DNAJC10: variants seen among roughly 807,000 people sequenced by gnomAD.
DNAJC10 encodes the protein endoplasmic reticulum disulfide reductase DNAJC10.
Under a neutral mutation model 115.0 loss-of-function variants are expected in DNAJC10, and 101 were observed. The ratio of observed to expected loss-of-function variants is 0.88; its 90% confidence interval spans 0.75 to 1.04. DNAJC10 has a LOEUF of 1.04. Among genes scored for constraint, DNAJC10 ranks in the 50% least tolerant of loss-of-function variants. The pLI is 0.00. For synonymous variants in DNAJC10, 307 were observed against 301.5 expected (o/e 1.02, Z -0.19); for missense variants, 981 against 928.8 (o/e 1.06, Z -0.73).
chr2:182,746,630 GC>G (rs1693874997), intron 14 of DNAJC10, among the ~76,000 whole-genome samples: 1 of 152,048 alleles, frequency 6.6e-6, no homozygotes. Flanking sequence ...CTGCATATTA[GC>G]CCTTTCTCAG....
intron 16 of DNAJC10, 158 bp from the exon 17 acceptor site, chr2:182,754,845 C>CTT (rs2105674647): frequency 7.3e-7 from 1 of 1,369,756 alleles, no homozygotes; most frequent in East Asian, 2.6e-5. Flanking sequence ...ACCATAAGTC[C>CTT]TTTGCTAAAT....
At chr2:182,740,219 T>C in intron 11 of DNAJC10, 80 bp from the exon 12 acceptor site, 10 of 1,197,114 alleles carry the variant, frequency 8.4e-6, no homozygotes, top group South Asian at 2.3e-5. Context: ...AAATACTACA[T>C]TGGAAATTGA....
At chr2:182,766,939 G>C (rs1694428031) in intron 22 of DNAJC10, among the ~76,000 whole-genome samples, 1 of 151,842 alleles carries the variant, frequency 6.6e-6, no homozygotes, top group East Asian at 1.9e-4. Context: ...TTTTCTGTAG[G>C]GGGAGGAAAA....
At chr2:182,746,458 T>G (rs1693869202) in intron 14 of DNAJC10, among the ~76,000 whole-genome samples, 1 of 152,148 alleles carries the variant, frequency 6.6e-6, no homozygotes, top group Non-Finnish European at 1.5e-5. Flanking sequence ...TCATTGTCAT[T>G]TTGATTTGCA....
intron 18 of DNAJC10, 140 bp downstream of exon 18, chr2:182,756,609 A>G (rs1216341967): frequency 2.4e-6 from 2 of 835,368 alleles, no homozygotes; most frequent in East Asian, 2.7e-5. Context: ...CTTTGATTCC[A>G]GCTCTGTTTC....
rs1254209618 is a variant in DNAJC10, at chr2:182,780,227, G to T, written c.*3095G>T. The T allele has an allele frequency of 2.0e-5, 3 of 152,156 alleles. No individual in the cohort carries two copies. The highest frequency in any genetic ancestry group is 4.4e-5 in the Non-Finnish European group (3 of 68,044). 9.4% of individuals were successfully genotyped at this position (152,156 alleles called of 1,614,324 possible). On this transcript the variant is annotated 3_prime_UTR_variant, in exon 24 of 24. Transcript: ENST00000264065. Reference sequence around the variant, plus strand: ...TGTTGAAATATGATCCCCAGTGTTGGATATGGGGCCTGGTGGGAGGTGTTT... The same window carrying T: ...TGTTGAAATATGATCCCCAGTGTTGTATATGGGGCCTGGTGGGAGGTGTTT...
rs1408728897 is a variant in DNAJC10 at position 182,779,154 on chromosome 2, G to T, written c.*2022G>T. The T allele has an allele frequency of 6.6e-6, 1 of 152,134 alleles. No individual in the cohort carries two copies. Among genetic ancestry groups the T allele is most frequent in the Non-Finnish European group, 1.5e-5 (1 of 68,020 alleles). 9.4% of individuals were successfully genotyped at this position (152,134 alleles called of 1,614,324 possible). A position where few individuals can be genotyped will look rare whatever the true frequency, so the allele number is the denominator to read the frequency against. On this transcript the variant is annotated 3_prime_UTR_variant, in exon 24 of 24. Coordinates refer to ENST00000264065, the MANE Select transcript of DNAJC10 (RefSeq NM_018981.4). ...TGCCTTTGGAATCAGCTCTAAGCCAGGGCCCCCTGGGAGTCATGTTAAGAA... is the reference window on the plus strand; with the variant it reads ...TGCCTTTGGAATCAGCTCTAAGCCATGGCCCCCTGGGAGTCATGTTAAGAA...
rs1017903524 is a variant in DNAJC10 at position 182,784,638 on chromosome 2, AATG to A, written c.*7509_*7511del. On this transcript the variant is annotated 3_prime_UTR_variant, in exon 24 of 24. Coordinates refer to ENST00000264065, the MANE Select transcript of DNAJC10 (RefSeq NM_018981.4). ...GTTTTATGCCTTAAAAATTATAAAT[AATG>A]ATAAGTTTAATTTGCAGCCCTTATA... 3.3e-5 allele frequency: 5 copies of A among 152,230 alleles called. No individual in the cohort carries two copies. The highest frequency in any genetic ancestry group is 2.9e-5 in the Non-Finnish European group (2 of 68,042). 9.4% of individuals were successfully genotyped at this position (152,230 alleles called of 1,614,324 possible).
rs566723819 is a variant in DNAJC10, at chr2:182,724,940, ACTTCATAG to A, written c.418+2866_418+2873del. Reference sequence around the variant, plus strand: ...ATTTTATTACACTTTGATTTATTGCACTTCATAGATAATGCACTTTTTTTTCCTTAACA... The same window carrying A: ...ATTTTATTACACTTTGATTTATTGCAATAATGCACTTTTTTTTCCTTAACA... On this transcript the variant is annotated intron_variant, in intron 5 of 23. Coordinates refer to ENST00000264065, the MANE Select transcript of DNAJC10 (RefSeq NM_018981.4). Among the ~76,000 whole-genome samples, 37 of 152,314 alleles carry A rather than the reference ACTTCATAG, an allele frequency of 2.4e-4. 1 individual carries two copies. The South Asian group carries it at 6.0e-3, about 25-fold the overall frequency.
At chr2:182,766,285 CT>C (rs1288745312) in intron 22 of DNAJC10, among the ~76,000 whole-genome samples, 1 of 152,144 alleles carries the variant, frequency 6.6e-6, no homozygotes, top group Non-Finnish European at 1.5e-5. Context: ...AGAGCATCAC[CT>C]TGAGCATTCT....
At chr2:182,730,361 T>C (rs993412167) in intron 8 of DNAJC10, among the ~76,000 whole-genome samples, 1 of 152,102 alleles carries the variant, frequency 6.6e-6, no homozygotes, top group Non-Finnish European at 1.5e-5. Flanking sequence ...AAGCTAATAA[T>C]AGTATTTGTG....
intron 8 of DNAJC10, among the ~76,000 whole-genome samples, chr2:182,730,359 A>G (rs1693412048): frequency 6.6e-6 from 1 of 152,194 alleles, no homozygotes; most frequent in Non-Finnish European, 1.5e-5. Context: ...TTAAGCTAAT[A>G]ATAGTATTTG....
At position 182,788,733 on chromosome 2, in the gene DNAJC10, T is replaced by C. The variant is rs557392205; in HGVS notation, c.*11601T>C. 4 of 437,712 alleles carry C rather than the reference T, an allele frequency of 9.1e-6. No individual in the cohort carries two copies. The highest frequency in any genetic ancestry group is 8.2e-5 in the African/African-American group (4 of 48,846). The allele number at this position is 437,712 out of a possible 1,614,324, so 27.1% of individuals were successfully genotyped here. The stretch of plus-strand genomic sequence containing the variant: ...TTATCTCAGAGGAAATCCAGGGAAG[T>C]TCCTACTTGGGAAAACGGAAAGGTA... On this transcript the variant is annotated 3_prime_UTR_variant, in exon 24 of 24. Transcript: ENST00000264065.
Position 182,781,704 on chromosome 2 carries a change from C to G in DNAJC10, c.*4572C>G, listed in dbSNP as rs1055692066. 1.3e-5 allele frequency: 2 copies of G among 152,190 alleles called. No individual in the cohort carries two copies. Among genetic ancestry groups the G allele is most frequent in the African/African-American group, 4.8e-5 (2 of 41,456 alleles). 9.4% of individuals were successfully genotyped at this position (152,190 alleles called of 1,614,324 possible). Reference sequence around the variant, plus strand: ...CATTGTGTTTTTGATTTGCATTTCTCTAATGACCACTGATGATGAGCTTTT... The same window carrying G: ...CATTGTGTTTTTGATTTGCATTTCTGTAATGACCACTGATGATGAGCTTTT... On this transcript the variant is annotated 3_prime_UTR_variant, in exon 24 of 24. Transcript: ENST00000264065.
chr2:182,764,156 A>C (rs1350634457), intron 22 of DNAJC10, among the ~76,000 whole-genome samples: 2 of 152,160 alleles, frequency 1.3e-5, no homozygotes, highest in Admixed American at 1.3e-4. Context: ...TTATATTGCC[A>C]ATCACAATGT....
Position 182,784,480 on chromosome 2 carries a change from T to A in DNAJC10, c.*7348T>A, listed in dbSNP as rs893831012. 1 of 152,186 alleles carries A rather than the reference T, an allele frequency of 6.6e-6. No individual in the cohort carries two copies. Among genetic ancestry groups the A allele is most frequent in the Non-Finnish European group, 1.5e-5 (1 of 68,046 alleles). 9.4% of individuals were successfully genotyped at this position (152,186 alleles called of 1,614,324 possible). ...AGTGTTGGCAGAACCTAGCACATTG[T>A]TGACCCGTAGAAGCACAGTGTGTAT... On this transcript the variant is annotated 3_prime_UTR_variant, in exon 24 of 24. Transcript: ENST00000264065.
rs949679047 is a variant in DNAJC10, at chr2:182,717,086, T to A, written c.-147+14T>A. On this transcript the variant is annotated intron_variant, in intron 2 of 23. Transcript: ENST00000264065. ...GACCATTCACAGGTAAAGAGAAAAA[T>A]TTTTAAATATACATTTAGGATTAAA... The A allele has an allele frequency of 3.3e-5, 5 of 152,158 alleles. No homozygotes were observed. The East Asian group carries it at 5.8e-4, about 18-fold the overall frequency. The allele number at this position is 152,158 out of a possible 1,614,324, so 9.4% of individuals were successfully genotyped here.
chr2:182,740,953 T>C (rs1477525216), intron 12 of DNAJC10, among the ~76,000 whole-genome samples: 1 of 152,138 alleles, frequency 6.6e-6, no homozygotes, highest in Non-Finnish European at 1.5e-5. Flanking sequence ...CTGACAACTT[T>C]GCCACCCAAC....
chr2:182,792,128 TA>T lies in DNAJC10; in HGVS notation c.*14999del, dbSNP rs1191412973. The T allele has an allele frequency of 6.6e-6, 1 of 152,078 alleles. No homozygotes were observed. Among genetic ancestry groups the T allele is most frequent in the Non-Finnish European group, 1.5e-5 (1 of 68,010 alleles). The allele number at this position is 152,078 out of a possible 1,614,324, so 9.4% of individuals were successfully genotyped here. On this transcript the variant is annotated 3_prime_UTR_variant, in exon 24 of 24. Coordinates refer to ENST00000264065, the MANE Select transcript of DNAJC10 (RefSeq NM_018981.4). The stretch of plus-strand genomic sequence containing the variant: ...TGACACTCAATACATGTTCAAAGAG[TA>T]AATTAAAGAAAAAAGAGATGCTCAA...
Sources: gnomAD v4.1 joint callset for allele counts (sites outside exome capture counted in the v4.1 genomes callset) on GRCh38, gnomAD v4.1.1 for gene constraint, MANE v1.5 for transcripts, NCBI Gene and HGNC (gene_info 2026-07-23, HGNC 2026-07-21) for gene names.